The following NALF1 variants were observed in gnomAD, a reference collection of about 807,000 sequenced individuals.
NALF1 encodes family with sequence similarity 155 member A.
Under a neutral mutation model 48.4 loss-of-function variants are expected in NALF1, and 3 were observed. That is an observed-to-expected ratio of 0.06 (90% CI 0.03 to 0.16). The LOEUF (loss-of-function observed/expected upper bound fraction) is 0.16, where lower values mean the gene tolerates loss of function less well. Ranked by LOEUF, NALF1 falls within the 10% of genes least tolerant of loss-of-function variation. The probability of loss-of-function intolerance (pLI) is 1.00; values close to 1 mark genes in which losing one functional copy is unlikely to be tolerated. For synonymous variants in NALF1, 262 were observed against 245.7 expected, an observed-to-expected ratio of 1.07 and a Z score of -0.62; for missense variants, 526 against 571.5, an observed-to-expected ratio of 0.92 and a Z score of 0.81.
chr13:107,362,573 C>T lies in NALF1; in HGVS notation c.916-151818G>A, dbSNP rs1447938410. On this transcript the variant is annotated intron_variant, in intron 1 of 2. Transcript: ENST00000375915. The surrounding 1 kb of genome is among the most constrained non-coding windows in gnomAD (Gnocchi z 4.6). ...CTCTCCTTATATCAGACACCAGTCACACTGGATTAGCGCCCACCCTAATGA... is the reference window on the plus strand; with the variant it reads ...CTCTCCTTATATCAGACACCAGTCATACTGGATTAGCGCCCACCCTAATGA... 1.3e-5 allele frequency among the ~76,000 whole-genome samples: 2 copies of T among 152,150 alleles called. No homozygotes were observed. The highest frequency in any genetic ancestry group is 2.9e-5 in the Non-Finnish European group (2 of 68,036).
chr13:107,617,537 A>G (rs1208156991), intron 1 of NALF1, among the ~76,000 whole-genome samples: 15 of 150,836 alleles, frequency 9.9e-5, no homozygotes. Context: ...TCTCAAAAAT[A>G]AAAAATATCT....
At chr13:107,206,461 A>G (rs1879645500) in intron 2 of NALF1, among the ~76,000 whole-genome samples, 2 of 152,238 alleles carry the variant, frequency 1.3e-5, no homozygotes, top group African/African-American at 4.8e-5. Flanking sequence ...GATCAAAAAT[A>G]TATACATTTA....
Position 107,577,240 on chromosome 13 carries a change from C to T in NALF1, c.915+288442G>A, listed in dbSNP as rs185836331. On this transcript the variant is annotated intron_variant, in intron 1 of 2. Coordinates refer to ENST00000375915, the MANE Select transcript of NALF1 (RefSeq NM_001080396.3). ...CATCTGCATGTTGGAAGGTGGTTCA[C>T]CATCAAGTCTGAGCTCCAACTTTAA... Among the ~76,000 whole-genome samples the T allele has an allele frequency of 2.4e-3, 364 of 152,176 alleles. 1 individual carries two copies. The highest frequency in any genetic ancestry group is 8.4e-3 in the African/African-American group (349 of 41,514).
intron 1 of NALF1, among the ~76,000 whole-genome samples, chr13:107,596,181 G>C (rs537699143): frequency 6.6e-6 from 1 of 152,234 alleles, no homozygotes; most frequent in South Asian, 2.1e-4. Flanking sequence ...ATCTCAGGAA[G>C]CTACAGCCTC....
At chr13:107,674,885 C>T (rs780360018) in intron 1 of NALF1, among the ~76,000 whole-genome samples, 9 of 152,092 alleles carry the variant, frequency 5.9e-5, no homozygotes, top group Non-Finnish European at 1.0e-4. Flanking sequence ...CTCACTCCCT[C>T]CCCAGCGACT....
At chr13:107,389,647 T>C (rs919580364) in intron 1 of NALF1, among the ~76,000 whole-genome samples, 13 of 152,144 alleles carry the variant, frequency 8.5e-5, no homozygotes, top group African/African-American at 2.9e-4. Flanking sequence ...TATTTAGCTA[T>C]TGATTACTTC....
At chr13:107,459,390 C>T (rs1884879088) in intron 1 of NALF1, among the ~76,000 whole-genome samples, 1 of 123,862 alleles carries the variant, frequency 8.1e-6, no homozygotes, top group Non-Finnish European at 1.9e-5. Flanking sequence ...GTAAAACATA[C>T]AAATATATAT....
At chr13:107,346,808 A>G (rs1010595378) in intron 1 of NALF1, among the ~76,000 whole-genome samples, 1 of 152,344 alleles carries the variant, frequency 6.6e-6, no homozygotes, top group African/African-American at 2.4e-5. Context: ...TATTACCCAC[A>G]GCCACATGAG....
chr13:107,669,470 C>T (rs1357357784), intron 1 of NALF1, among the ~76,000 whole-genome samples: 1 of 152,076 alleles, frequency 6.6e-6, no homozygotes, highest in Non-Finnish European at 1.5e-5. Flanking sequence ...ACAGAGCAAA[C>T]CAATTCAATA....
intron 1 of NALF1, among the ~76,000 whole-genome samples, chr13:107,779,959 A>G (rs908542486): frequency 6.6e-6 from 1 of 152,188 alleles, no homozygotes; most frequent in African/African-American, 2.4e-5. Flanking sequence ...TGCATTTTTA[A>G]AAGTTAGTAT....
intron 1 of NALF1, among the ~76,000 whole-genome samples, chr13:107,768,195 G>C (rs1234897500): frequency 6.6e-6 from 1 of 152,072 alleles, no homozygotes; most frequent in Non-Finnish European, 1.5e-5. Flanking sequence ...AATGAAATGA[G>C]ACAATACATG....
intron 1 of NALF1, among the ~76,000 whole-genome samples, chr13:107,389,397 T>C (rs1008183187): frequency 6.6e-6 from 1 of 152,054 alleles, no homozygotes; most frequent in Admixed American, 6.6e-5. Flanking sequence ...TTGGTGTCCT[T>C]ATGAAAAAGA....
chr13:107,285,043 G>A (rs1377863139), intron 1 of NALF1, among the ~76,000 whole-genome samples: 1 of 152,138 alleles, frequency 6.6e-6, no homozygotes, highest in Non-Finnish European at 1.5e-5. Flanking sequence ...AAATAATCAG[G>A]AAATTTGAAG....
chr13:107,279,418 G>C (rs1881345432), intron 1 of NALF1, among the ~76,000 whole-genome samples: 1 of 152,068 alleles, frequency 6.6e-6, no homozygotes, highest in South Asian at 2.1e-4. Flanking sequence ...ACCATGCCTG[G>C]CTAATTTTTG....
At chr13:107,430,306 ATACTTT>A (rs1373147236) in intron 1 of NALF1, among the ~76,000 whole-genome samples, 5 of 151,706 alleles carry the variant, frequency 3.3e-5, no homozygotes, top group African/African-American at 1.2e-4. Flanking sequence ...TTTTATTATT[ATACTTT>A]AAGTTTTAGC....
At position 107,650,131 on chromosome 13, in the gene NALF1, G is replaced by C. The variant is rs374882410; in HGVS notation, c.915+215551C>G. Among the ~76,000 whole-genome samples, 35 of 152,158 alleles carry C rather than the reference G, an allele frequency of 2.3e-4. No individual in the cohort carries two copies. In the South Asian group the frequency reaches 7.1e-3, roughly 31 times the overall value. On this transcript the variant is annotated intron_variant, in intron 1 of 2. Coordinates refer to ENST00000375915, the MANE Select transcript of NALF1 (RefSeq NM_001080396.3). ...GTCAAAGATCGGAGTTTTTGTCCCT[G>C]GTGGCATATCCTACACTGTCATTAA...
intron 1 of NALF1, among the ~76,000 whole-genome samples, chr13:107,472,376 A>G (rs1885114834): frequency 6.6e-6 from 1 of 152,118 alleles, no homozygotes; most frequent in Non-Finnish European, 1.5e-5. Context: ...TGGGGCTGTG[A>G]TGGTTAATAT....
In NALF1 at chr13:107,471,172, G is replaced by T. The variant is rs79364707; in HGVS notation, c.916-260417C>A. Among the ~76,000 whole-genome samples, 1,009 of 152,254 alleles carry T rather than the reference G, an allele frequency of 6.6e-3. 35 individuals are homozygous for T. The East Asian group carries it at 0.1, about 15-fold the overall frequency. ...TGTATAACTTATGGCATGTGTGTGC[G>T]CATAACGCTATTTATTGCCGTAACC... is the stretch of plus-strand genomic sequence containing the variant. On this transcript the variant is annotated intron_variant, in intron 1 of 2. Coordinates refer to ENST00000375915, the MANE Select transcript of NALF1 (RefSeq NM_001080396.3).
intron 1 of NALF1, among the ~76,000 whole-genome samples, chr13:107,551,372 G>A (rs1042232896): frequency 6.6e-6 from 1 of 151,958 alleles, no homozygotes; most frequent in African/African-American, 2.4e-5. Flanking sequence ...TCATCATTAT[G>A]TGAATCCACA....
Sources: allele counts gnomAD v4.1 joint callset (sites outside exome capture counted in the v4.1 genomes callset), GRCh38; gene constraint gnomAD v4.1.1; non-coding constraint Gnocchi (gnomAD v3.1); transcripts MANE v1.5; gene names NCBI Gene and HGNC (gene_info 2026-07-23, HGNC 2026-07-21).